Variants in PADI4 observed in about 807,000 individuals in gnomAD.
PADI4 encodes the protein protein-arginine deiminase type-4.
A neutral mutation model predicts 75.0 loss-of-function variants in PADI4; 62 were observed. That is an observed-to-expected ratio of 0.83 (90% confidence interval 0.67 to 1.02). PADI4 has a LOEUF of 1.02. PADI4 is among the 50% of genes least tolerant of loss of function. PADI4 has a pLI of 0.00. For synonymous variants in PADI4, 361 were observed against 348.1 expected, an observed-to-expected ratio of 1.04 and a Z score of -0.41; for missense variants, 845 against 850.5, an observed-to-expected ratio of 0.99 and a Z score of 0.08.
chr1:17,326,777 T>C (rs1323306459), intron 1 of PADI4, among the ~76,000 whole-genome samples: 2 of 152,156 alleles, frequency 1.3e-5, no homozygotes, highest in African/African-American at 2.4e-5. Context: ...TCTGTATCAT[T>C]ACTTAATTTT....
chr1:17,349,714 A>AAAAAAG lies in PADI4; in HGVS notation c.1155+1669_1155+1670insAAGAAA, dbSNP rs1553148555. Among the ~76,000 whole-genome samples the AAAAAAG allele has an allele frequency of 2.3e-4, 27 of 116,462 alleles. 3 individuals are homozygous for AAAAAAG. The highest frequency in any genetic ancestry group is 7.1e-4 in the African/African-American group (26 of 36,734). The allele number at this position is 116,462 out of a possible 152,430, so 76.4% of individuals were successfully genotyped here. A position where few individuals can be genotyped will look rare whatever the true frequency, so the allele number is the denominator to read the frequency against. ...AGCAAGACTGTATCAAAAAAAAAAA[A>AAAAAAG]AAAGAAAGAAAAAGAAAAAACAACA... is the stretch of plus-strand genomic sequence containing the variant. On this transcript the variant is annotated intron_variant, in intron 10 of 15. Transcript: ENST00000375448.
chr1:17,338,495 C>T (rs530823210), intron 5 of PADI4, among the ~76,000 whole-genome samples: 1 of 152,324 alleles, frequency 6.6e-6, no homozygotes, highest in East Asian at 1.9e-4. Flanking sequence ...TTCCCAAACT[C>T]ATATCAGAGC....
chr1:17,331,531 A>T (rs1256543424), intron 2 of PADI4, among the ~76,000 whole-genome samples: 2 of 152,344 alleles, frequency 1.3e-5, no homozygotes, highest in Admixed American at 1.3e-4. Context: ...ATTGCAAATG[A>T]TACTGAGTTC....
intron 15 of PADI4, among the ~76,000 whole-genome samples, chr1:17,361,007 C>T (rs903266311): frequency 4.6e-5 from 7 of 152,176 alleles, no homozygotes; most frequent in Non-Finnish European, 7.3e-5. Flanking sequence ...TACCCGAGAC[C>T]GAGGCAGAGA....
intron 6 of PADI4, among the ~76,000 whole-genome samples, chr1:17,340,790 CT>C (rs138301211): frequency 0.056 from 7,138 of 126,784 alleles, 149 homozygotes; most frequent in African/African-American, 0.081. Flanking sequence ...CTATTCCAAG[CT>C]TTTTTTTTTT....
chr1:17,333,318 T>C (rs3795214), intron 2 of PADI4, among the ~76,000 whole-genome samples: 82,558 of 151,604 alleles, frequency 0.54, 22,808 homozygotes, highest in East Asian at 0.59. Flanking sequence ...CCTCTTCCTC[T>C]GGTGGCAGCT....
chr1:17,311,054 G>A (rs2073815307), intron 1 of PADI4, among the ~76,000 whole-genome samples: 1 of 150,868 alleles, frequency 6.6e-6, no homozygotes. Context: ...CCGAGATTGT[G>A]CCACTGAACT....
intron 2 of PADI4, 82 bp downstream of exon 2, chr1:17,331,231 A>T: frequency 8.2e-7 from 1 of 1,217,144 alleles, no homozygotes; most frequent in Non-Finnish European, 1.2e-6. Context: ...CGTGATCCAC[A>T]GCACCAGCCT....
chr1:17,334,397 G>C, intron 3 of PADI4: 1 of 460,982 alleles, frequency 2.2e-6, no homozygotes, highest in Non-Finnish European at 4.5e-6. Flanking sequence ...GCGTCTCCCA[G>C]GTTCAAGCGA....
Position 17,356,006 on chromosome 1 carries a change from A to G in PADI4, c.1334A>G (p.Gln445Arg), listed in dbSNP as rs772527727. 1.4e-5 allele frequency: 22 copies of G among 1,614,038 alleles called. No homozygotes were observed. In the South Asian group the frequency reaches 2.4e-4, roughly 18 times the overall value. ...YPSNDSRQMHQALQDFLSAQQ... is the reference protein window; with the variant it reads ...YPSNDSRQMHRALQDFLSAQQ... ...AGCAATGACAGCCGGCAGATGCACC[A>G]GGCCCTGCAGGACTTCCTCAGTGCC... The change falls in exon 12 of 16, where the codon CAG becomes CGG. Residue 445 changes from glutamine to arginine, a missense_variant. Physicochemically the swap from Gln to Arg is conservative, Grantham distance 43. Coordinates refer to ENST00000375448, the MANE Select transcript of PADI4 (RefSeq NM_012387.3). This position sits in a 1 kb window ranked among gnomAD's most constrained non-coding sequence, Gnocchi z 4.1.
Position 17,346,167 on chromosome 1 carries a change from G to T in PADI4, c.1047+28G>T. On this transcript the variant is annotated intron_variant, in intron 9 of 15. Transcript: ENST00000375448. The surrounding 1 kb of genome is among the most constrained non-coding windows in gnomAD (Gnocchi z 4.3). ...ATGTGCCCTGCGGGGCAGGCAGGGT[G>T]ACTGTCCCTGAGGGCCAAGAGACAC... 2 of 1,480,038 alleles carry T rather than the reference G, an allele frequency of 1.4e-6. No individual in the cohort carries two copies. The highest frequency in any genetic ancestry group is 2.3e-5 in the South Asian group (2 of 88,142). The allele number at this position is 1,480,038 out of a possible 1,614,324, so 91.7% of individuals were successfully genotyped here.
chr1:17,353,461 T>G (rs2074702753), intron 10 of PADI4, among the ~76,000 whole-genome samples: 1 of 152,154 alleles, frequency 6.6e-6, no homozygotes. Context: ...CCCACTCATC[T>G]TCCCAGAAAC....
chr1:17,321,438 T>A (rs1018291928), intron 1 of PADI4, among the ~76,000 whole-genome samples: 6 of 152,246 alleles, frequency 3.9e-5, no homozygotes, highest in Non-Finnish European at 7.3e-5. Context: ...TGTGCCTCAG[T>A]TTACTCATCT....
chr1:17,350,689 G>A (rs1302874484), intron 10 of PADI4, among the ~76,000 whole-genome samples: 2 of 130,384 alleles, frequency 1.5e-5, no homozygotes, highest in African/African-American at 5.0e-5. Context: ...AACAGCCAGG[G>A]CAGTGATGTG....
intron 8 of PADI4, among the ~76,000 whole-genome samples, chr1:17,345,568 A>G (rs1182097963): frequency 6.6e-6 from 1 of 152,174 alleles, no homozygotes; most frequent in African/African-American, 2.4e-5. Flanking sequence ...AGATAATTTG[A>G]ATCATGGTGG....
intron 10 of PADI4, among the ~76,000 whole-genome samples, chr1:17,349,521 A>G (rs1009327380): frequency 6.6e-6 from 1 of 152,204 alleles, no homozygotes; most frequent in Non-Finnish European, 1.5e-5. Context: ...CCTGGCCAGC[A>G]TGGCGAAATC....
At chr1:17,357,944 A>AC in intron 13 of PADI4, among the ~76,000 whole-genome samples, 3 of 100,318 alleles carry the variant, frequency 3.0e-5, no homozygotes, top group African/African-American at 1.3e-4. Flanking sequence ...AAAAAAAAAA[A>AC]AAACAAGAAA....
intron 1 of PADI4, among the ~76,000 whole-genome samples, chr1:17,315,189 T>C (rs1886300): frequency 0.38 from 57,656 of 151,970 alleles, 11,016 homozygotes; most frequent in South Asian, 0.45. Context: ...TTCCACCTTG[T>C]CCCATCCACC....
rs561422217 is a variant in PADI4, at chr1:17,330,899, C to T, written c.93-70C>T. On this transcript the variant is annotated intron_variant, in intron 1 of 15. Coordinates refer to ENST00000375448, the MANE Select transcript of PADI4 (RefSeq NM_012387.3). ...ATATTAACCATCACAAGGAGAAATG[C>T]TGGGAGAGCCATGGCTGGCCCAGCC... The T allele has an allele frequency of 9.0e-4, 893 of 990,272 alleles. 2 individuals carry two copies. Among genetic ancestry groups the T allele is most frequent in the Middle Eastern group, 1.7e-3 (8 of 4,622 alleles). 61.3% of individuals were successfully genotyped at this position (990,272 alleles called of 1,614,324 possible).
Sources: allele counts gnomAD v4.1 joint callset (sites outside exome capture counted in the v4.1 genomes callset), GRCh38; gene constraint gnomAD v4.1.1; non-coding constraint Gnocchi (gnomAD v3.1); transcripts MANE v1.5; gene names NCBI Gene and HGNC (gene_info 2026-07-23, HGNC 2026-07-21).